The following ERP29 variants were observed in gnomAD, a reference collection of about 807,000 sequenced individuals.
The protein encoded by ERP29 is endoplasmic reticulum protein 29.
ERP29 carries 14 observed loss-of-function variants against 21.7 expected under a neutral mutation model. The ratio of observed to expected loss-of-function variants is 0.64; its 90% confidence interval spans 0.43 to 1.01. The LOEUF (loss-of-function observed/expected upper bound fraction) is 1.01, where lower values mean the gene tolerates loss of function less well. Ranked by LOEUF, ERP29 falls within the 50% of genes least tolerant of loss-of-function variation. The pLI, the probability that ERP29 is intolerant of heterozygous loss-of-function variation, is 0.00. For synonymous variants in ERP29, 129 were observed against 139.1 expected, an observed-to-expected ratio of 0.93 and a Z score of 0.51; for missense variants, 286 against 327.3, an observed-to-expected ratio of 0.87 and a Z score of 0.97.
At chr12:112,017,869 C>T (rs1451513131) in intron 1 of ERP29, among the ~76,000 whole-genome samples, 1 of 149,342 alleles carries the variant, frequency 6.7e-6, no homozygotes, top group Non-Finnish European at 1.5e-5. Context: ...ACCGCAACCT[C>T]CGCCTCCCAG....
At position 112,022,283 on chromosome 12, in the gene ERP29, A is replaced by G. The variant is rs755965643; in HGVS notation, c.417A>G (p.Gly139=). Residue 139 remains glycine, a synonymous_variant, in exon 3 of 3, where the codon GGA becomes GGG. Transcript: ENST00000261735. ...PVPYTGAVKV[G]AIQRWLKGQG... ...CATACACTGGGGCAGTTAAGGTTGG[A>G]GCCATCCAGCGCTGGCTGAAGGGGC... is the stretch of plus-strand genomic sequence containing the variant. The G allele has an allele frequency of 1.9e-6, 3 of 1,612,744 alleles. No homozygotes were observed. Among genetic ancestry groups the G allele is most frequent in the African/African-American group, 2.7e-5 (2 of 74,876 alleles).
In ERP29 at chr12:112,013,459, C is replaced by T. The variant is rs1377353453; in HGVS notation, c.-7C>T. On this transcript the variant is annotated 5_prime_UTR_variant, in exon 1 of 3. Coordinates refer to ENST00000261735, the MANE Select transcript of ERP29 (RefSeq NM_006817.4). Reference sequence around the variant, plus strand: ...TTACCTACCTCCCTCTGCAGGAACCCGGCGATATGGCTGCCGCTGTGCCCC... The same window carrying T: ...TTACCTACCTCCCTCTGCAGGAACCTGGCGATATGGCTGCCGCTGTGCCCC... 8 of 1,608,392 alleles carry T rather than the reference C, an allele frequency of 5.0e-6. No homozygotes were observed. Among genetic ancestry groups the T allele is most frequent in the South Asian group, 2.2e-5 (2 of 90,482 alleles).
In ERP29 at chr12:112,013,626, A is replaced by G; in HGVS notation, c.144+17A>G. The G allele has an allele frequency of 3.9e-6, 6 of 1,531,734 alleles. No homozygotes were observed. The highest frequency in any genetic ancestry group is 5.3e-6 in the Non-Finnish European group (6 of 1,141,022). 94.9% of individuals were successfully genotyped at this position (1,531,734 alleles called of 1,614,324 possible). A position where few individuals can be genotyped will look rare whatever the true frequency, so the allele number is the denominator to read the frequency against. The stretch of plus-strand genomic sequence containing the variant: ...TTCTACAAGGTAACCGGGGCGGGGG[A>G]CGTCGCGCGCAGGTGCCGCCGGGGC... On this transcript the variant is annotated intron_variant, in intron 1 of 2. Coordinates refer to ENST00000261735, the MANE Select transcript of ERP29 (RefSeq NM_006817.4).
chr12:112,013,860 A>G (rs1005098107), intron 1 of ERP29, among the ~76,000 whole-genome samples: 4 of 152,358 alleles, frequency 2.6e-5, no homozygotes, highest in Non-Finnish European at 4.4e-5. Flanking sequence ...CCTTGCAAAG[A>G]TGCAGCCGAG....
rs1164510168 is a variant in ERP29 at position 112,022,620 on chromosome 12, CAGA to C, written c.760_762del (p.Lys254del). On this transcript the variant is annotated inframe_deletion, in exon 3 of 3. Coordinates refer to ENST00000261735, the MANE Select transcript of ERP29 (RefSeq NM_006817.4). ...GAGCTTAAACATCCTGACTGCCTTC[CAGA>C]AGAAGGGGGCCGAGAAAGAGGAGCT... is the stretch of plus-strand genomic sequence containing the variant. 5 of 1,612,134 alleles carry C rather than the reference CAGA, an allele frequency of 3.1e-6. No individual in the cohort carries two copies. In the South Asian group the frequency reaches 3.3e-5, roughly 11 times the overall value.
At position 112,015,729 on chromosome 12, in the gene ERP29, C is replaced by T. The variant is rs552849217; in HGVS notation, c.144+2120C>T. Among the ~76,000 whole-genome samples the T allele has an allele frequency of 1.4e-4, 22 of 152,318 alleles. No homozygotes were observed. The South Asian group carries it at 4.6e-3, about 32-fold the overall frequency. On this transcript the variant is annotated intron_variant, in intron 1 of 2. Transcript: ENST00000261735. ...GTCTAGGTCAACATTACAATAGCCT[C>T]TTCTCTGGTCTCCCTGCTTCCACTC...
Position 112,022,763 on chromosome 12 carries a change from A to T in ERP29, c.*111A>T. 1 of 1,113,058 alleles carries T rather than the reference A, an allele frequency of 9.0e-7. No homozygotes were observed. Among genetic ancestry groups the T allele is most frequent in the Non-Finnish European group, 1.3e-6 (1 of 783,710 alleles). 68.9% of individuals were successfully genotyped at this position (1,113,058 alleles called of 1,614,324 possible). A position where few individuals can be genotyped will look rare whatever the true frequency, so the allele number is the denominator to read the frequency against. On this transcript the variant is annotated 3_prime_UTR_variant, in exon 3 of 3. Coordinates refer to ENST00000261735, the MANE Select transcript of ERP29 (RefSeq NM_006817.4). ...AGGGGGTAGTGGGAAAAGTGGTACTAACCCACGATTCTGAGCCCTGAGTAT... is the reference window on the plus strand; with the variant it reads ...AGGGGGTAGTGGGAAAAGTGGTACTTACCCACGATTCTGAGCCCTGAGTAT...
chr12:112,013,753 T>A, intron 1 of ERP29, 144 bp downstream of exon 1: 2 of 867,126 alleles, frequency 2.3e-6, no homozygotes, highest in South Asian at 1.9e-5. Context: ...CCTACAGGCC[T>A]AGTGGACTCT....
At chr12:112,015,372 C>CAGCT (rs1482926209) in intron 1 of ERP29, 1 of 151,976 alleles carries the variant, frequency 6.6e-6, no homozygotes, top group Non-Finnish European at 1.5e-5. Context: ...CCTGTAATCC[C>CAGCT]AGCTACTCGG....
Position 112,019,872 on chromosome 12 carries a change from G to T in ERP29, c.261G>T (p.Leu87Phe). The stretch of plus-strand genomic sequence containing the variant: ...ACTCGGCTTCCAGCGATGATCTCTT[G>T]GTGGCAGAGGTGGGGATCTCAGGTA... ...AENSASSDDL[L>F]VAEVGISDYG... Residue 87 changes from leucine (L) to phenylalanine (F), a missense_variant, in exon 2 of 3, where the codon TTG (leucine) becomes TTT (phenylalanine). Physicochemically the swap from Leu to Phe is conservative, Grantham distance 22 (BLOSUM62 0). Coordinates refer to ENST00000261735, the MANE Select transcript of ERP29 (RefSeq NM_006817.4). 1 of 1,614,152 alleles carries T rather than the reference G, an allele frequency of 6.2e-7. No individual in the cohort carries two copies. Among genetic ancestry groups the T allele is most frequent in the Non-Finnish European group, 8.5e-7 (1 of 1,180,024 alleles).
At chr12:112,014,487 G>A (rs1249947726) in intron 1 of ERP29, 1 of 152,268 alleles carries the variant, frequency 6.6e-6, no homozygotes, top group African/African-American at 2.4e-5. Context: ...GGGGATAGCT[G>A]TTGTAGGAAA....
At position 112,022,659 on chromosome 12, in the gene ERP29, T is replaced by C; in HGVS notation, c.*7T>C. On this transcript the variant is annotated 3_prime_UTR_variant, in exon 3 of 3. Transcript: ENST00000261735. ...CGAGAAAGAGGAGCTGTAAAAAGGC[T>C]GTCTGTGATTTTCCAGGGTTTGGTG... 6.3e-7 allele frequency: 1 copy of C among 1,594,792 alleles called. No individual in the cohort carries two copies. Among genetic ancestry groups the C allele is most frequent in the South Asian group, 1.1e-5 (1 of 88,226 alleles).
chr12:112,021,885 A>G (rs1314627355), intron 2 of ERP29, among the ~76,000 whole-genome samples: 1 of 152,138 alleles, frequency 6.6e-6, no homozygotes, highest in African/African-American at 2.4e-5. Flanking sequence ...TCTGACACAT[A>G]GTGGGCATAT....
chr12:112,019,591 T>C, intron 1 of ERP29, 165 bp from the exon 2 acceptor site: 1 of 780,414 alleles, frequency 1.3e-6, no homozygotes, highest in Non-Finnish European at 2.2e-6. Flanking sequence ...ACTCACTAAA[T>C]TGTTAAATGA....
rs550935649 is a variant in ERP29, at chr12:112,017,787, T to C, written c.145-1969T>C. Among the ~76,000 whole-genome samples, 161 of 146,896 alleles carry C rather than the reference T, an allele frequency of 1.1e-3. 1 individual carries two copies. Among genetic ancestry groups the C allele is most frequent in the Middle Eastern group, 6.9e-3 (2 of 288 alleles). On this transcript the variant is annotated intron_variant, in intron 1 of 2. Coordinates refer to ENST00000261735, the MANE Select transcript of ERP29 (RefSeq NM_006817.4). ...GAACATTGTATCTTTTTTTTTCTTT[T>C]TTTTTTTTTTTTTTGAGGTGGAGTT...
Position 112,013,456 on chromosome 12 carries a change from A to C in ERP29, c.-10A>C. ...CGCTTACCTACCTCCCTCTGCAGGA[A>C]CCCGGCGATATGGCTGCCGCTGTGC... is the stretch of plus-strand genomic sequence containing the variant. On this transcript the variant is annotated 5_prime_UTR_variant, in exon 1 of 3. Transcript: ENST00000261735. 6.2e-7 allele frequency: 1 copy of C among 1,607,616 alleles called. No homozygotes were observed. The highest frequency in any genetic ancestry group is 8.5e-7 in the Non-Finnish European group (1 of 1,176,934).
intron 2 of ERP29, among the ~76,000 whole-genome samples, chr12:112,020,280 CTG>C (rs2078037922): frequency 6.6e-6 from 1 of 152,164 alleles, no homozygotes; most frequent in Non-Finnish European, 1.5e-5. Context: ...TGTACCAAAA[CTG>C]TTAGGTTTTG....
In ERP29 at chr12:112,019,748, G is replaced by C. The variant is rs750131266; in HGVS notation, c.145-8G>C. The C allele has an allele frequency of 6.2e-7, 1 of 1,613,980 alleles. No individual in the cohort carries two copies. Among genetic ancestry groups the C allele is most frequent in the Admixed American group, 1.7e-5 (1 of 60,008 alleles). On this transcript the variant is annotated splice_polypyrimidine_tract_variant and splice_region_variant and intron_variant, in intron 1 of 2. Coordinates refer to ENST00000261735, the MANE Select transcript of ERP29 (RefSeq NM_006817.4). ...AACACCCACTTGCTCAGCTCTATAC[G>C]CCCTCAGGTCATTCCCAAAAGCAAG...
In ERP29 at chr12:112,013,456, A is replaced by G. The variant is rs762027406; in HGVS notation, c.-10A>G. The G allele has an allele frequency of 6.2e-7, 1 of 1,607,616 alleles. No individual in the cohort carries two copies. The highest frequency in any genetic ancestry group is 1.3e-5 in the African/African-American group (1 of 74,770). On this transcript the variant is annotated 5_prime_UTR_variant, in exon 1 of 3. Transcript: ENST00000261735. ...CGCTTACCTACCTCCCTCTGCAGGA[A>G]CCCGGCGATATGGCTGCCGCTGTGC...
Sources: allele counts gnomAD v4.1 joint callset (sites outside exome capture counted in the v4.1 genomes callset), GRCh38; gene constraint gnomAD v4.1.1; transcripts MANE v1.5; gene names NCBI Gene and HGNC (gene_info 2026-07-23, HGNC 2026-07-21).